SSBP3: variants seen among roughly 807,000 people sequenced by gnomAD.
The protein encoded by SSBP3 is single-stranded DNA-binding protein 3.
SSBP3 carries 5 observed loss-of-function variants against 69.6 expected under a neutral mutation model. The observed-to-expected ratio is 0.07, with a 90% CI of 0.04 to 0.15. The LOEUF (loss-of-function observed/expected upper bound fraction) is 0.15, where lower values mean the gene tolerates loss of function less well. SSBP3 is among the 10% of genes least tolerant of loss of function. The pLI, the probability that SSBP3 is intolerant of heterozygous loss-of-function variation, is 1.00. For synonymous variants in SSBP3, 196 were observed against 193.4 expected (o/e 1.01, Z -0.11); for missense variants, 312 against 534.0 (o/e 0.58, Z 4.10).
At chr1:54,299,870 G>A (rs769220784) in intron 4 of SSBP3, among the ~76,000 whole-genome samples, 3 of 152,078 alleles carry the variant, frequency 2.0e-5, no homozygotes, top group Admixed American at 6.5e-5. Context: ...CAGCTCAGCC[G>A]AGGCCTTCAG....
chr1:54,269,037 T>C (rs1246533474), intron 5 of SSBP3, among the ~76,000 whole-genome samples: 1 of 152,140 alleles, frequency 6.6e-6, no homozygotes, highest in Non-Finnish European at 1.5e-5. Flanking sequence ...TTACCAAGGG[T>C]AGCTCTTAAT....
At chr1:54,342,275 C>T (rs1239401177) in intron 4 of SSBP3, among the ~76,000 whole-genome samples, 1 of 152,252 alleles carries the variant, frequency 6.6e-6, no homozygotes, top group Non-Finnish European at 1.5e-5. Flanking sequence ...CCCCCACGCC[C>T]ACTTGTTTCA....
intron 4 of SSBP3, among the ~76,000 whole-genome samples, chr1:54,400,744 A>G (rs1303635942): frequency 6.6e-6 from 1 of 152,268 alleles, no homozygotes; most frequent in East Asian, 1.9e-4. Context: ...CTCACATTAC[A>G]GGAGAAATTT....
rs755951948 is a variant in SSBP3, at chr1:54,258,039, C to A, written c.447+30G>T. On this transcript the variant is annotated intron_variant, in intron 6 of 17. Transcript: ENST00000610401. This position sits in a 1 kb window ranked among gnomAD's most constrained non-coding sequence, Gnocchi z 4.5. ...CTGCTTCCTCCGCGCCCCGCGTCCCCGGCGGGCGGGAGCGCCACGGTGCGT... is the reference window on the plus strand; with the variant it reads ...CTGCTTCCTCCGCGCCCCGCGTCCCAGGCGGGCGGGAGCGCCACGGTGCGT... 2 of 1,562,000 alleles carry A rather than the reference C, an allele frequency of 1.3e-6. No homozygotes were observed. The highest frequency in any genetic ancestry group is 1.7e-6 in the Non-Finnish European group (2 of 1,153,540).
intron 4 of SSBP3, among the ~76,000 whole-genome samples, chr1:54,305,629 AAAAAAG>A (rs1001527478): frequency 7.0e-6 from 1 of 142,638 alleles, no homozygotes; most frequent in African/African-American, 2.9e-5. Context: ...TAAAAAAAAA[AAAAAAG>A]AGAGAGAGAG....
intron 4 of SSBP3, among the ~76,000 whole-genome samples, chr1:54,365,666 C>G (rs1647019749): frequency 6.6e-6 from 1 of 152,084 alleles, no homozygotes. Context: ...CCGCAGTCAC[C>G]CTACCCAGCT....
intron 4 of SSBP3, among the ~76,000 whole-genome samples, chr1:54,297,461 T>C (rs552689314): frequency 8.5e-4 from 129 of 152,222 alleles, no homozygotes; most frequent in African/African-American, 3.0e-3. Context: ...GAAACCCCCC[T>C]CTCTACTAAA....
At chr1:54,281,410 G>A (rs564211700) in intron 5 of SSBP3, 28 bp downstream of exon 5, 39 of 1,534,992 alleles carry the variant, frequency 2.5e-5, no homozygotes, top group Admixed American at 1.6e-4. Flanking sequence ...ACAAGGTGGA[G>A]CACAAGACCC....
intron 4 of SSBP3, among the ~76,000 whole-genome samples, chr1:54,383,949 A>C (rs1204994319): frequency 6.6e-6 from 1 of 152,124 alleles, no homozygotes; most frequent in Non-Finnish European, 1.5e-5. Flanking sequence ...TACTAAAAGT[A>C]CAAAAAATTA....
intron 4 of SSBP3, among the ~76,000 whole-genome samples, chr1:54,362,641 T>C (rs1024761486): frequency 1.3e-5 from 2 of 152,326 alleles, no homozygotes; most frequent in Admixed American, 1.3e-4. Flanking sequence ...TCCCCCACCC[T>C]ATAAGCTCCC....
rs1644962321 is a variant in SSBP3, at chr1:54,258,506, G to A, written c.367-357C>T. On this transcript the variant is annotated intron_variant, in intron 5 of 17. Transcript: ENST00000610401. The surrounding 1 kb of genome is among the most constrained non-coding windows in gnomAD (Gnocchi z 4.5). ...GAGACGGGCTCAGAGGGAGTACAATGATGCACAGACACAGGGACCCAGGTG... is the reference window on the plus strand; with the variant it reads ...GAGACGGGCTCAGAGGGAGTACAATAATGCACAGACACAGGGACCCAGGTG... Among the ~76,000 whole-genome samples, 1 of 152,220 alleles carries A rather than the reference G, an allele frequency of 6.6e-6. No homozygotes were observed. The highest frequency in any genetic ancestry group is 2.4e-5 in the African/African-American group (1 of 41,444).
intron 4 of SSBP3, among the ~76,000 whole-genome samples, chr1:54,315,842 G>C (rs1008798072): frequency 6.6e-6 from 1 of 151,378 alleles, no homozygotes; most frequent in Non-Finnish European, 1.5e-5. Flanking sequence ...TTTTTTCTTT[G>C]GTAGAGACAG....
intron 4 of SSBP3, among the ~76,000 whole-genome samples, chr1:54,290,414 G>A (rs958298342): frequency 1.3e-5 from 2 of 152,228 alleles, no homozygotes; most frequent in African/African-American, 4.8e-5. Context: ...ACGTGCTGAC[G>A]TCCTAAGATT....
intron 4 of SSBP3, among the ~76,000 whole-genome samples, chr1:54,393,318 C>T (rs1447011686): frequency 6.6e-6 from 1 of 152,212 alleles, no homozygotes; most frequent in African/African-American, 2.4e-5. Context: ...CCAGGGGTAC[C>T]TGAAACCCAG....
chr1:54,239,219 C>T lies in SSBP3; in HGVS notation c.857-20G>A. ...TTGAATCTGTAGAACAGTGGAAACCCACAAGTCGGGGTGATTAATTCGTTT... is the reference window on the plus strand; with the variant it reads ...TTGAATCTGTAGAACAGTGGAAACCTACAAGTCGGGGTGATTAATTCGTTT... On this transcript the variant is annotated intron_variant, in intron 13 of 17. Transcript: ENST00000610401. 1.3e-6 allele frequency: 2 copies of T among 1,587,938 alleles called. No individual in the cohort carries two copies. The highest frequency in any genetic ancestry group is 1.7e-6 in the Non-Finnish European group (2 of 1,165,440).
chr1:54,293,015 G>C (rs1246952911), intron 4 of SSBP3, among the ~76,000 whole-genome samples: 1 of 152,118 alleles, frequency 6.6e-6, no homozygotes, highest in African/African-American at 2.4e-5. Context: ...AGGGGATGAA[G>C]AGATGGTTCA....
chr1:54,367,426 T>G (rs1203904842), intron 4 of SSBP3, among the ~76,000 whole-genome samples: 1 of 152,152 alleles, frequency 6.6e-6, no homozygotes, highest in East Asian at 1.9e-4. Flanking sequence ...TAAAAAGCAT[T>G]CAGACAAATG....
chr1:54,285,070 A>G (rs1282984684), intron 4 of SSBP3, among the ~76,000 whole-genome samples: 2 of 152,196 alleles, frequency 1.3e-5, no homozygotes, highest in Non-Finnish European at 2.9e-5. Flanking sequence ...AGCTGAGGAG[A>G]CGCCTTTATC....
At position 54,406,277 on chromosome 1, in the gene SSBP3, C is replaced by CGCCGCCCGCACG. The variant is rs996344514; in HGVS notation, c.-281_-270dup. 3.8e-5 allele frequency: 12 copies of CGCCGCCCGCACG among 312,204 alleles called. No individual in the cohort carries two copies. In the Admixed American group the frequency reaches 4.1e-4, roughly 11 times the overall value. 19.3% of individuals were successfully genotyped at this position (312,204 alleles called of 1,614,324 possible). A position where few individuals can be genotyped will look rare whatever the true frequency, so the allele number is the denominator to read the frequency against. On this transcript the variant is annotated 5_prime_UTR_variant, in exon 1 of 18. Coordinates refer to ENST00000610401, the Ensembl canonical transcript of SSBP3. Reference sequence around the variant, plus strand: ...CGGCTCGGCCTGGGGGTGCCGCCGCCGCCGCCCGCACGGCCGCCCGCTCTC... The same window carrying CGCCGCCCGCACG: ...CGGCTCGGCCTGGGGGTGCCGCCGCCGCCGCCCGCACGGCCGCCCGCACGGCCGCCCGCTCTC...
Sources: gnomAD v4.1 joint callset for allele counts (sites outside exome capture counted in the v4.1 genomes callset) on GRCh38, gnomAD v4.1.1 for gene constraint, Gnocchi (gnomAD v3.1) non-coding constraint, MANE v1.5 for transcripts, NCBI Gene and HGNC (gene_info 2026-07-23, HGNC 2026-07-21) for gene names.